The following GALNT13 variants were observed in gnomAD, a reference collection of about 807,000 sequenced individuals.
GALNT13 encodes UDP-GalNAc:polypeptide N-acetylgalactosaminyltransferase 13.
GALNT13 carries 28 observed loss-of-function variants against 64.2 expected under a neutral mutation model. That is an observed-to-expected ratio of 0.44 (90% confidence interval 0.32 to 0.60). The LOEUF is 0.60. Ranked by LOEUF, GALNT13 falls within the 20% of genes least tolerant of loss-of-function variation. The pLI, the probability that GALNT13 is intolerant of heterozygous loss-of-function variation, is 0.05. For synonymous variants in GALNT13, 214 were observed against 224.6 expected, an observed-to-expected ratio of 0.95 and a Z score of 0.42; for missense variants, 577 against 669.8, an observed-to-expected ratio of 0.86 and a Z score of 1.53.
the GALNT13 span, among the ~76,000 whole-genome samples, chr2:153,153,135 T>C: frequency 6.6e-6 from 1 of 152,174 alleles, no homozygotes; most frequent in African/African-American, 2.4e-5. Context: ...TGGTTTTGAT[T>C]TGCATTTCTC....
At chr2:153,503,625 G>C in the GALNT13 span, among the ~76,000 whole-genome samples, 1 of 152,090 alleles carries the variant, frequency 6.6e-6, no homozygotes, top group South Asian at 2.1e-4. Flanking sequence ...ATTTTTAGTA[G>C]AGACAAGGTT....
At chr2:153,395,676 T>C in the GALNT13 span, among the ~76,000 whole-genome samples, 1 of 152,118 alleles carries the variant, frequency 6.6e-6, no homozygotes, top group Non-Finnish European at 1.5e-5. Flanking sequence ...TGAATCTTCA[T>C]TGGGAAATGT....
At chr2:153,114,381 C>T in the GALNT13 span, among the ~76,000 whole-genome samples, 23,047 of 152,036 alleles carry the variant, frequency 0.15, 1,947 homozygotes, top group Middle Eastern at 0.22. Flanking sequence ...TATATGCTTT[C>T]GCTAGAGAAG....
the GALNT13 span, among the ~76,000 whole-genome samples, chr2:153,345,715 T>G: frequency 8.3e-4 from 84 of 101,166 alleles, 4 homozygotes; most frequent in Admixed American, 1.3e-3. Context: ...CTTTCTCTCT[T>G]TCTGTCCTTC....
At chr2:153,962,177 G>A (rs958294499) in intron 3 of GALNT13, among the ~76,000 whole-genome samples, 1 of 152,098 alleles carries the variant, frequency 6.6e-6, no homozygotes, top group Non-Finnish European at 1.5e-5. Flanking sequence ...CACATTTATA[G>A]CCTGGAGATG....
At chr2:153,616,551 A>G in the GALNT13 span, among the ~76,000 whole-genome samples, 1 of 152,030 alleles carries the variant, frequency 6.6e-6, no homozygotes, top group South Asian at 2.1e-4. Context: ...GATTCTTCCA[A>G]TCCATGAACA....
At chr2:153,816,630 CATAG>C in the GALNT13 span, among the ~76,000 whole-genome samples, 63,025 of 151,262 alleles carry the variant, frequency 0.42, 14,021 homozygotes, top group Admixed American at 0.57. Flanking sequence ...AGATATATTA[CATAG>C]ATAGATAGAT....
chr2:153,883,114 A>G (rs1051758279), intron 1 of GALNT13, among the ~76,000 whole-genome samples: 10 of 148,512 alleles, frequency 6.7e-5, no homozygotes, highest in African/African-American at 2.4e-4. Context: ...GAAAAGATCC[A>G]GGAAAATATT....
At chr2:153,810,852 T>C in the GALNT13 span, among the ~76,000 whole-genome samples, 1 of 152,208 alleles carries the variant, frequency 6.6e-6, no homozygotes, top group Non-Finnish European at 1.5e-5. Context: ...ATTTAAGTTT[T>C]CAAATTGTAG....
intron 8 of GALNT13, among the ~76,000 whole-genome samples, chr2:154,282,772 T>C (rs1692033563): frequency 6.6e-6 from 1 of 152,210 alleles, no homozygotes; most frequent in Non-Finnish European, 1.5e-5. Context: ...CCCTCTGGCT[T>C]CTGGCAGGTG....
chr2:154,455,413 G>A (rs1209235100), downstream of GALNT13, among the ~76,000 whole-genome samples: 4 of 152,138 alleles, frequency 2.6e-5, no homozygotes, highest in African/African-American at 9.7e-5. Flanking sequence ...AATTTTTAAT[G>A]GATGTGTCAC....
At chr2:154,443,867 A>T (rs1460976851) in intron 12 of GALNT13, among the ~76,000 whole-genome samples, 1 of 152,164 alleles carries the variant, frequency 6.6e-6, no homozygotes, top group Non-Finnish European at 1.5e-5. Flanking sequence ...ATTGCAGGCA[A>T]TACCAAGGCT....
At chr2:153,742,564 C>T in the GALNT13 span, among the ~76,000 whole-genome samples, 1 of 152,036 alleles carries the variant, frequency 6.6e-6, no homozygotes, top group Admixed American at 6.6e-5. Flanking sequence ...GATTTTTAAA[C>T]CCTGACTCCC....
At chr2:153,434,343 C>G in the GALNT13 span, among the ~76,000 whole-genome samples, 5 of 152,046 alleles carry the variant, frequency 3.3e-5, no homozygotes, top group Non-Finnish European at 7.4e-5. Context: ...GGGTATATAC[C>G]CAGTAATGGG....
At chr2:153,076,338 C>A in the GALNT13 span, among the ~76,000 whole-genome samples, 1 of 152,076 alleles carries the variant, frequency 6.6e-6, no homozygotes. Context: ...TAGAAGCTTT[C>A]TCTACATTTA....
chr2:154,199,846 C>A (rs983005729), intron 4 of GALNT13, among the ~76,000 whole-genome samples: 1 of 151,952 alleles, frequency 6.6e-6, no homozygotes, highest in Admixed American at 6.6e-5. Context: ...AATCTTTTAT[C>A]TGAACTCTTT....
At chr2:153,845,485 C>A in the GALNT13 span, among the ~76,000 whole-genome samples, 724 of 152,318 alleles carry the variant, frequency 4.8e-3, 3 homozygotes, top group Non-Finnish European at 7.6e-3. Flanking sequence ...TGAGAGCTCA[C>A]TTATCACCAA....
chr2:153,151,388 T>C, the GALNT13 span, among the ~76,000 whole-genome samples: 1 of 152,118 alleles, frequency 6.6e-6, no homozygotes, highest in African/African-American at 2.4e-5. Context: ...GGTGGGACTG[T>C]AAACTAGTTC....
At chr2:154,358,047 C>G (rs918648476) in intron 9 of GALNT13, among the ~76,000 whole-genome samples, 5 of 152,008 alleles carry the variant, frequency 3.3e-5, no homozygotes, top group African/African-American at 1.2e-4. Context: ...TATAATACTT[C>G]TATAGAATGT....
Sources: allele counts gnomAD v4.1 joint callset (sites outside exome capture counted in the v4.1 genomes callset), GRCh38; gene constraint gnomAD v4.1.1; transcripts MANE v1.5; gene names NCBI Gene and HGNC (gene_info 2026-07-23, HGNC 2026-07-21).